VPS54: variants seen among roughly 807,000 people sequenced by gnomAD.
VPS54 encodes VPS54 subunit of GARP complex, also known as vacuolar protein sorting-associated protein 54.
In VPS54, 45 loss-of-function variants were observed where a neutral mutation model predicts 121.5. The observed-to-expected ratio is 0.37, with a 90% CI of 0.29 to 0.47. VPS54 has a LOEUF of 0.47. VPS54 is among the 20% of genes least tolerant of loss of function. The probability of loss-of-function intolerance (pLI) is 0.99; values close to 1 mark genes in which losing one functional copy is unlikely to be tolerated. For missense variants in VPS54, 1,090 were observed against 1,131.4 expected (o/e 0.96, Z 0.52); for synonymous variants, 371 against 385.8 (o/e 0.96, Z 0.45).
rs144890534 is a variant in VPS54 at position 63,942,572 on chromosome 2, A to G, written c.1302-11T>C. On this transcript the variant is annotated splice_polypyrimidine_tract_variant and intron_variant, in intron 10 of 22. Transcript: ENST00000272322. ...ATCTGATCTGCAAGCCTAGAAAAAAATAATTCAAACAAAAATAATGATTGT... is the reference window on the plus strand; with the variant it reads ...ATCTGATCTGCAAGCCTAGAAAAAAGTAATTCAAACAAAAATAATGATTGT... The G allele has an allele frequency of 8.0e-5, 126 of 1,565,324 alleles. 1 individual carries two copies. The East Asian group carries it at 2.9e-3, about 36-fold the overall frequency.
chr2:64,012,878 C>T (rs138300540), intron 1 of VPS54, among the ~76,000 whole-genome samples: 1,870 of 152,230 alleles, frequency 0.012, 17 homozygotes, highest in Non-Finnish European at 0.015. Context: ...TAGGAATGAC[C>T]TGATTTCTAC....
intron 1 of VPS54, among the ~76,000 whole-genome samples, chr2:64,005,089 CT>C (rs764515091): frequency 4.4e-3 from 195 of 44,106 alleles, no homozygotes; most frequent in East Asian, 0.04. Flanking sequence ...ACTATTGCTT[CT>C]TTTTTTTTTT....
chr2:63,978,374 G>T (rs1575982429), intron 3 of VPS54, among the ~76,000 whole-genome samples: 1 of 152,156 alleles, frequency 6.6e-6, no homozygotes, highest in South Asian at 2.1e-4. Flanking sequence ...ATTTAAGGAG[G>T]TACCCACTCT....
intron 21 of VPS54, among the ~76,000 whole-genome samples, chr2:63,898,204 T>C (rs1672523847): frequency 6.6e-6 from 1 of 152,136 alleles, no homozygotes; most frequent in South Asian, 2.1e-4. Flanking sequence ...ACGCCACAGA[T>C]AAAACACATG....
At chr2:63,994,817 T>C (rs1677502260) in intron 1 of VPS54, among the ~76,000 whole-genome samples, 1 of 152,236 alleles carries the variant, frequency 6.6e-6, no homozygotes, top group East Asian at 1.9e-4. Context: ...TTAACTCACA[T>C]GCAGTAATGT....
At chr2:63,997,344 T>C (rs552662955) in intron 1 of VPS54, among the ~76,000 whole-genome samples, 1 of 152,234 alleles carries the variant, frequency 6.6e-6, no homozygotes, top group African/African-American at 2.4e-5. Context: ...GACTTTTTAC[T>C]GGGAGACTTT....
intron 1 of VPS54, among the ~76,000 whole-genome samples, chr2:63,985,680 T>TACACACACACACACACACACAC (rs3079061): frequency 1.4e-5 from 2 of 144,924 alleles, no homozygotes; most frequent in Non-Finnish European, 3.0e-5. Flanking sequence ...TGACAAATTA[T>TACACACACACACACACACACAC]ACACACACAC....
In VPS54 at chr2:63,933,841, T is replaced by G; in HGVS notation, c.1571A>C (p.Glu524Ala). The part of the protein sequence containing the change: ...EGMFISDAFG[E>A]GELTPIAVDT... Reference sequence around the variant, plus strand: ...AACTGCTATAGGTGTTAGCTCACCCTCACCGAATGCATCACTTATAAACAT... The same window carrying G: ...AACTGCTATAGGTGTTAGCTCACCCGCACCGAATGCATCACTTATAAACAT... Residue 524 changes from glutamate (E) to alanine (A), a missense_variant, in exon 12 of 23, where the codon GAG becomes GCG. Physicochemically the swap from Glu to Ala is moderately radical, Grantham distance 107. This residue lies in a region of VPS54 where 801 missense variants were observed against 757.0 expected (regional missense o/e 1.06). Coordinates refer to ENST00000272322, the MANE Select transcript of VPS54 (RefSeq NM_016516.3). The G allele has an allele frequency of 6.2e-7, 1 of 1,613,888 alleles. No individual in the cohort carries two copies. The highest frequency in any genetic ancestry group is 8.5e-7 in the Non-Finnish European group (1 of 1,179,850).
At chr2:63,938,047 TGTGGTGTGTGTG>T (rs1674534720) in intron 11 of VPS54, among the ~76,000 whole-genome samples, 1 of 126,666 alleles carries the variant, frequency 7.9e-6, no homozygotes, top group Admixed American at 8.2e-5. Flanking sequence ...CGTGTGTGTG[TGTGGTGTGTGTG>T]GTGTGTGTGT....
intron 7 of VPS54, among the ~76,000 whole-genome samples, chr2:63,958,172 T>C (rs1433836936): frequency 6.6e-6 from 1 of 151,988 alleles, no homozygotes; most frequent in East Asian, 1.9e-4. Flanking sequence ...ATAGAAAGAT[T>C]TAAAATAAAA....
intron 20 of VPS54, among the ~76,000 whole-genome samples, chr2:63,902,277 G>C (rs755605924): frequency 3.9e-5 from 6 of 152,088 alleles, no homozygotes; most frequent in Admixed American, 6.5e-5. Context: ...TAAAAGATGA[G>C]GGTGAAACCA....
intron 2 of VPS54, among the ~76,000 whole-genome samples, chr2:63,983,545 G>GCCTCCACAC (rs1676897326): frequency 2.0e-5 from 3 of 149,980 alleles, no homozygotes; most frequent in African/African-American, 7.4e-5. Flanking sequence ...TGAGTTCACA[G>GCCTCCACAC]CATTCTCCTG....
rs182677826 is a variant in VPS54, at chr2:64,004,213, G to A, written c.-21+14725C>T. ...AAAAAAGATAAGGAAAGGGGGTGGG[G>A]AAAGAAAATCTCTACTGAAGAATGC... is the stretch of plus-strand genomic sequence containing the variant. On this transcript the variant is annotated intron_variant, in intron 1 of 22. Coordinates refer to ENST00000272322, the MANE Select transcript of VPS54 (RefSeq NM_016516.3). Among the ~76,000 whole-genome samples, 347 of 152,212 alleles carry A rather than the reference G, an allele frequency of 2.3e-3. 1 individual carries two copies. Among genetic ancestry groups the A allele is most frequent in the Middle Eastern group, 0.01 (3 of 294 alleles).
At chr2:63,940,472 C>A (rs1044539014) in intron 11 of VPS54, among the ~76,000 whole-genome samples, 5 of 152,242 alleles carry the variant, frequency 3.3e-5, no homozygotes, top group African/African-American at 1.2e-4. Flanking sequence ...GACATAGAGC[C>A]ATTCCACATA....
intron 14 of VPS54, 32 bp from the exon 15 acceptor site, chr2:63,920,027 C>A: frequency 6.4e-7 from 1 of 1,551,542 alleles, no homozygotes; most frequent in African/African-American, 1.4e-5. Context: ...AGAAGGTAAA[C>A]TTTAACATTT....
chr2:63,955,747 T>C (rs1322281129), intron 7 of VPS54, among the ~76,000 whole-genome samples: 1 of 152,086 alleles, frequency 6.6e-6, no homozygotes, highest in African/African-American at 2.4e-5. Flanking sequence ...TTCAGAACTA[T>C]AATATTTTAC....
At chr2:63,925,772 T>G (rs1252190961) in intron 12 of VPS54, among the ~76,000 whole-genome samples, 1 of 152,228 alleles carries the variant, frequency 6.6e-6, no homozygotes, top group Non-Finnish European at 1.5e-5. Flanking sequence ...ACATAAAGTT[T>G]AAAAACTGGA....
chr2:63,926,917 G>A (rs542846342), intron 12 of VPS54, among the ~76,000 whole-genome samples: 1 of 152,188 alleles, frequency 6.6e-6, no homozygotes, highest in Non-Finnish European at 1.5e-5. Context: ...CCTGGGATGT[G>A]AGAGCTTGGT....
At position 63,950,720 on chromosome 2, in the gene VPS54, C is replaced by G. The variant is rs555249946; in HGVS notation, c.1011-1557G>C. Among the ~76,000 whole-genome samples the G allele has an allele frequency of 5.3e-5, 8 of 152,302 alleles. No individual in the cohort carries two copies. The South Asian group carries it at 1.7e-3, about 32-fold the overall frequency. On this transcript the variant is annotated intron_variant, in intron 7 of 22. Coordinates refer to ENST00000272322, the MANE Select transcript of VPS54 (RefSeq NM_016516.3). ...CACAAAACAGTAAGAGATAGCCTAT[C>G]CCTTCCTGTCTTAAATCCTGGTGCT...
Sources: allele counts gnomAD v4.1 joint callset (sites outside exome capture counted in the v4.1 genomes callset), GRCh38; gene constraint gnomAD v4.1.1; regional missense constraint gnomAD v4.1.1; transcripts MANE v1.5; gene names NCBI Gene and HGNC (gene_info 2026-07-23, HGNC 2026-07-21).